The following RHOBTB2 variants were observed in gnomAD, a reference collection of about 807,000 sequenced individuals.
RHOBTB2 encodes the protein rho-related BTB domain-containing protein 2.
A neutral mutation model predicts 66.5 loss-of-function variants in RHOBTB2; 39 were observed. That is an observed-to-expected ratio of 0.59 (90% CI 0.45 to 0.77). The LOEUF (loss-of-function observed/expected upper bound fraction) is 0.77. Ranked by LOEUF, RHOBTB2 falls within the 30% of genes least tolerant of loss-of-function variation. The pLI is 0.00. For synonymous variants in RHOBTB2, 390 were observed against 395.0 expected (o/e 0.99, Z 0.15); for missense variants, 755 against 999.1 (o/e 0.76, Z 3.29).
upstream of RHOBTB2, among the ~76,000 whole-genome samples, chr8:22,998,199 A>C: frequency 6.6e-6 from 1 of 152,232 alleles, no homozygotes; most frequent in East Asian, 1.9e-4. Flanking sequence ...GATGAGAAGC[A>C]TGCTTCAGAC....
chr8:22,989,989 T>C (rs959884192), intron 1 of RHOBTB2, among the ~76,000 whole-genome samples: 1 of 152,152 alleles, frequency 6.6e-6, no homozygotes. Flanking sequence ...TCTCATAGGA[T>C]TGTTTTGAAA....
At chr8:23,001,777 G>A (rs983344130) in intron 1 of RHOBTB2, among the ~76,000 whole-genome samples, 2 of 151,582 alleles carry the variant, frequency 1.3e-5, no homozygotes, top group East Asian at 1.9e-4. Flanking sequence ...AGGCAGTTGG[G>A]ACAGGGTAGA....
At chr8:22,953,742 A>G in the RHOBTB2 span, among the ~76,000 whole-genome samples, 1 of 152,198 alleles carries the variant, frequency 6.6e-6, no homozygotes, top group East Asian at 1.9e-4. Context: ...GCTCCGGGAA[A>G]GTTCACTTCT....
At chr8:23,014,563 C>T in intron 7 of RHOBTB2, 127 bp from the exon 8 acceptor site, 1 of 778,186 alleles carries the variant, frequency 1.3e-6, no homozygotes, top group South Asian at 1.7e-5. Context: ...TGGGGCCTTT[C>T]CTGGCCTGTC....
upstream of RHOBTB2, among the ~76,000 whole-genome samples, chr8:22,983,602 A>G (rs1203614524): frequency 6.6e-6 from 1 of 152,176 alleles, no homozygotes; most frequent in Non-Finnish European, 1.5e-5. Context: ...TGGTTATCAT[A>G]ACCTAGGTTT....
rs1390087220 is a variant in RHOBTB2 at position 22,999,752 on chromosome 8, C to T, written c.-364C>T. The T allele has an allele frequency of 2.9e-6, 3 of 1,017,106 alleles. No individual in the cohort carries two copies. Among genetic ancestry groups the T allele is most frequent in the African/African-American group, 3.5e-5 (2 of 57,120 alleles). The allele number at this position is 1,017,106 out of a possible 1,614,324, so 63.0% of individuals were successfully genotyped here. A position where few individuals can be genotyped will look rare whatever the true frequency, so the allele number is the denominator to read the frequency against. ...CCCGGGCGCGTAGCGGCGGCGGCCT[C>T]GCCCCTCTCCCGGCGCCCCTGCGCG... On this transcript the variant is annotated 5_prime_UTR_variant, in exon 1 of 10. Coordinates refer to ENST00000251822, the MANE Select transcript of RHOBTB2 (RefSeq NM_015178.3).
Position 23,000,096 on chromosome 8 carries a change from A to G in RHOBTB2, c.-20A>G. On this transcript the variant is annotated 5_prime_UTR_variant, in exon 1 of 10. The change abolishes an upstream ATG in the 5' untranslated region. Coordinates refer to ENST00000251822, the MANE Select transcript of RHOBTB2 (RefSeq NM_015178.3). Reference sequence around the variant, plus strand: ...CTCACGCTAGAAGCCACCCCGTCACATGTAGTGGTGTAAGTAGATGGCTGC... The same window carrying G: ...CTCACGCTAGAAGCCACCCCGTCACGTGTAGTGGTGTAAGTAGATGGCTGC... 1 of 985,476 alleles carries G rather than the reference A, an allele frequency of 1.0e-6. No individual in the cohort carries two copies. Among genetic ancestry groups the G allele is most frequent in the Non-Finnish European group, 1.2e-6 (1 of 829,956 alleles). 61.0% of individuals were successfully genotyped at this position (985,476 alleles called of 1,614,324 possible).
chr8:22,966,462 T>C, the RHOBTB2 span, among the ~76,000 whole-genome samples: 1 of 151,438 alleles, frequency 6.6e-6, no homozygotes, highest in Admixed American at 6.6e-5. Context: ...TCCAAAGACA[T>C]ACAAATGGCC....
chr8:23,012,647 C>G (rs1460789093), intron 7 of RHOBTB2, among the ~76,000 whole-genome samples: 1 of 152,136 alleles, frequency 6.6e-6, no homozygotes, highest in Non-Finnish European at 1.5e-5. Flanking sequence ...GAGACAGGAT[C>G]TTGCTCTGTC....
intron 6 of RHOBTB2, 41 bp downstream of exon 6, chr8:23,008,152 C>T: frequency 7.4e-7 from 1 of 1,360,418 alleles, no homozygotes; most frequent in Non-Finnish European, 1.0e-6. Context: ...GGGAGTGAGA[C>T]ATTTGCACCC....
intron 2 of RHOBTB2, among the ~76,000 whole-genome samples, chr8:22,992,790 G>C (rs1810456098): frequency 6.6e-6 from 1 of 152,256 alleles, no homozygotes; most frequent in Non-Finnish European, 1.5e-5. Context: ...TGAAGTCGGA[G>C]ATGTTTCAGA....
At chr8:22,974,230 C>T in the RHOBTB2 span, among the ~76,000 whole-genome samples, 5 of 152,292 alleles carry the variant, frequency 3.3e-5, no homozygotes, top group Admixed American at 6.5e-5. Flanking sequence ...CATCTGGCCC[C>T]GATTTCCAAG....
At chr8:22,996,577 C>T (rs1369561827), upstream of RHOBTB2, among the ~76,000 whole-genome samples, 1 of 97,320 alleles carries the variant, frequency 1.0e-5, no homozygotes, top group African/African-American at 4.3e-5. Flanking sequence ...GTCTGTGTGT[C>T]TGTGTATGTA....
Position 23,017,444 on chromosome 8 carries a change from C to A in RHOBTB2, c.2159C>A (p.Pro720Gln). Residue 720 changes from proline (P) to glutamine (Q), a missense_variant, in exon 10 of 10, where the codon CCA becomes CAA. Physicochemically the swap from Pro to Gln is moderately conservative, Grantham distance 76. Coordinates refer to ENST00000251822, the MANE Select transcript of RHOBTB2 (RefSeq NM_015178.3). The surrounding 1 kb of genome is among the most constrained non-coding windows in gnomAD (Gnocchi z 5.3). ...TCCTCGGCAGCCTCCTCCTCATCCC[C>A]ATCTTCCTCCTCGGCTGTGGTCTGA... is the stretch of plus-strand genomic sequence containing the variant. ...PSSSAASSSS[P>Q]SSSSAVV is the part of the protein sequence containing the mutation. 1 of 1,600,416 alleles carries A rather than the reference C, an allele frequency of 6.2e-7. No homozygotes were observed. The highest frequency in any genetic ancestry group is 2.3e-5 in the East Asian group (1 of 44,120).
chr8:22,983,240 G>A (rs1351391772), upstream of RHOBTB2, among the ~76,000 whole-genome samples: 3 of 151,830 alleles, frequency 2.0e-5, no homozygotes, highest in African/African-American at 7.3e-5. Context: ...TGCTTGCCAT[G>A]TGTAAAGGGG....
chr8:22,993,358 C>T (rs1810470554), intron 2 of RHOBTB2, among the ~76,000 whole-genome samples: 1 of 152,070 alleles, frequency 6.6e-6, no homozygotes, highest in Non-Finnish European at 1.5e-5. Context: ...GGGGATTAGG[C>T]CCTTACTCTC....
intron 1 of RHOBTB2, among the ~76,000 whole-genome samples, chr8:22,990,769 G>A (rs1401250999): frequency 6.6e-6 from 1 of 152,158 alleles, no homozygotes; most frequent in African/African-American, 2.4e-5. Context: ...GCAGCAGCCT[G>A]TGGCCCCCGC....
chr8:22,965,143 C>T, the RHOBTB2 span, among the ~76,000 whole-genome samples: 2 of 152,050 alleles, frequency 1.3e-5, no homozygotes, highest in African/African-American at 4.8e-5. Context: ...AATCTCATTT[C>T]TAGGCTGAAT....
chr8:23,002,468 G>A (rs1810811827), intron 1 of RHOBTB2, among the ~76,000 whole-genome samples: 1 of 152,206 alleles, frequency 6.6e-6, no homozygotes, highest in South Asian at 2.1e-4. Flanking sequence ...AAGGCGGGCA[G>A]ATCACTTGAG....
Sources: gnomAD v4.1 joint callset for allele counts (sites outside exome capture counted in the v4.1 genomes callset) on GRCh38, gnomAD v4.1.1 for gene constraint, Gnocchi (gnomAD v3.1) non-coding constraint, MANE v1.5 for transcripts, NCBI Gene and HGNC (gene_info 2026-07-23, HGNC 2026-07-21) for gene names.